The following MAN1A1 variants were observed in gnomAD, a reference collection of about 807,000 sequenced individuals.
MAN1A1 encodes mannosyl-oligosaccharide 1,2-alpha-mannosidase IA.
Under a neutral mutation model 70.8 loss-of-function variants are expected in MAN1A1, and 29 were observed. The observed-to-expected ratio is 0.41, with a 90% CI of 0.31 to 0.56. The LOEUF (loss-of-function observed/expected upper bound fraction) is 0.56, where lower values mean the gene tolerates loss of function less well. MAN1A1 is among the 20% of genes least tolerant of loss of function. The pLI is 0.29. For missense variants in MAN1A1, 747 were observed against 841.3 expected (o/e 0.89, Z 1.39); for synonymous variants, 349 against 330.1 (o/e 1.06, Z -0.62).
intron 5 of MAN1A1, among the ~76,000 whole-genome samples, chr6:119,252,460 C>A (rs895923308): frequency 2.6e-5 from 4 of 152,134 alleles, no homozygotes; most frequent in Admixed American, 6.5e-5. Context: ...ACACATTTGG[C>A]CCAGGAACTG....
rs976565989 is a variant in MAN1A1, at chr6:119,323,966, C to T, written c.604-16974G>A. Among the ~76,000 whole-genome samples, 8 of 152,172 alleles carry T rather than the reference C, an allele frequency of 5.3e-5. 1 individual carries two copies. Among genetic ancestry groups the T allele is most frequent in the African/African-American group, 1.9e-4 (8 of 41,434 alleles). On this transcript the variant is annotated intron_variant, in intron 2 of 12. Coordinates refer to ENST00000368468, the MANE Select transcript of MAN1A1 (RefSeq NM_005907.4). ...ATTTGGGGACTTGCAAAATTTACCA[C>T]TACTACAATATAGGTAAATTCCACA...
chr6:119,306,849 T>G, intron 3 of MAN1A1, 47 bp downstream of exon 3: 1 of 1,325,766 alleles, frequency 7.5e-7, no homozygotes, highest in Non-Finnish European at 1.1e-6. Context: ...GCTCAAGCAA[T>G]TGGGGAGAAG....
intron 6 of MAN1A1, among the ~76,000 whole-genome samples, chr6:119,245,081 C>T (rs1327346952): frequency 6.6e-6 from 1 of 152,078 alleles, no homozygotes; most frequent in African/African-American, 2.4e-5. Context: ...GAGACACATT[C>T]AAAATTGAGA....
At chr6:119,271,165 T>C (rs1426489215) in intron 5 of MAN1A1, among the ~76,000 whole-genome samples, 2 of 152,118 alleles carry the variant, frequency 1.3e-5, no homozygotes, top group African/African-American at 4.8e-5. Context: ...CAAAAATGGG[T>C]TAAGAAGTTT....
chr6:119,330,800 C>A (rs1410539083), intron 2 of MAN1A1, among the ~76,000 whole-genome samples: 1 of 152,112 alleles, frequency 6.6e-6, no homozygotes, highest in East Asian at 1.9e-4. Flanking sequence ...CGGCTAATTC[C>A]CACTCATCCT....
chr6:119,349,878 C>T, upstream of MAN1A1: 1 of 453,108 alleles, frequency 2.2e-6, no homozygotes. Flanking sequence ...GGGGCCGAGG[C>T]GAGGAGGGGG....
At chr6:119,248,400 C>T in intron 5 of MAN1A1, 46 bp from the exon 6 acceptor site, 4 of 976,988 alleles carry the variant, frequency 4.1e-6, no homozygotes, top group Non-Finnish European at 6.7e-6. Context: ...GCAAGCAAAA[C>T]AAGATGAACT....
intron 2 of MAN1A1, among the ~76,000 whole-genome samples, chr6:119,333,841 AG>A (rs1773382943): frequency 2.0e-5 from 3 of 152,224 alleles, no homozygotes; most frequent in Non-Finnish European, 2.9e-5. Context: ...TCTAAATTCT[AG>A]TGCCTTTACC....
At chr6:119,304,882 G>A (rs1372512361) in intron 3 of MAN1A1, among the ~76,000 whole-genome samples, 7 of 152,154 alleles carry the variant, frequency 4.6e-5, no homozygotes, top group African/African-American at 7.2e-5. Flanking sequence ...TTTGCTGAGC[G>A]AATATACGGG....
chr6:119,214,782 A>T (rs1174104283), intron 6 of MAN1A1, among the ~76,000 whole-genome samples: 2 of 152,218 alleles, frequency 1.3e-5, no homozygotes, highest in African/African-American at 4.8e-5. Context: ...CTGAGATTAC[A>T]GGCATGAACT....
At position 119,182,681 on chromosome 6, in the gene MAN1A1, C is replaced by T. The variant is rs1773184231; in HGVS notation, c.1720-2254G>A. Among the ~76,000 whole-genome samples the T allele has an allele frequency of 2.6e-5, 4 of 152,188 alleles. No homozygotes were observed. The South Asian group carries it at 8.3e-4, about 32-fold the overall frequency. On this transcript the variant is annotated intron_variant, in intron 11 of 12. Transcript: ENST00000368468. ...ATTTCCATCGTACAAAAATTGCCAT[C>T]TGCAATCTGGTTCTCATTTATTGAC...
At chr6:119,229,204 T>C (rs1774604543) in intron 6 of MAN1A1, among the ~76,000 whole-genome samples, 1 of 103,340 alleles carries the variant, frequency 9.7e-6, no homozygotes, top group Non-Finnish European at 2.0e-5. Context: ...TATCAAACTG[T>C]GTTCTGAGAC....
Position 119,204,864 on chromosome 6 carries a change from C to T in MAN1A1, c.1011G>A (p.Trp337Ter). 6.2e-7 allele frequency: 1 copy of T among 1,613,812 alleles called. No homozygotes were observed. The change falls in exon 7 of 13, where the codon TGG becomes TGA. Residue 337 changes from tryptophan (W) to a stop codon, truncating the protein, a stop_gained. Transcript: ENST00000368468. LOFTEE classifies it high-confidence loss of function. ...LNMKSGIGRN[W>*]PWASGGSSIL... is the part of the protein sequence containing the mutation. ...TACTGCTGCCTCCAGAGGCCCAGGG[C>T]CAGTTCCTTCCAATACCACTAAAGA... is the stretch of plus-strand genomic sequence containing the variant.
chr6:119,257,205 T>C (rs1206009178), intron 5 of MAN1A1, among the ~76,000 whole-genome samples: 2 of 152,130 alleles, frequency 1.3e-5, no homozygotes, highest in Non-Finnish European at 2.9e-5. Flanking sequence ...AGGAAGTGCT[T>C]TTCATGATAG....
intron 2 of MAN1A1, among the ~76,000 whole-genome samples, chr6:119,321,538 CAACT>C (rs1011735649): frequency 6.6e-5 from 10 of 152,066 alleles, no homozygotes; most frequent in African/African-American, 2.4e-4. Flanking sequence ...ACCTTCCCAA[CAACT>C]AACTACTCAC....
At chr6:119,244,862 C>G (rs1253610455) in intron 6 of MAN1A1, among the ~76,000 whole-genome samples, 3 of 152,156 alleles carry the variant, frequency 2.0e-5, no homozygotes, top group African/African-American at 7.2e-5. Flanking sequence ...TGTCTGTTAT[C>G]TTCTTGAATA....
chr6:119,267,845 T>G (rs1211042407), intron 5 of MAN1A1, among the ~76,000 whole-genome samples: 1 of 152,198 alleles, frequency 6.6e-6, no homozygotes, highest in Non-Finnish European at 1.5e-5. Flanking sequence ...GCATCTCATT[T>G]TTTCTTTTCT....
At chr6:119,350,561 C>G, upstream of MAN1A1, 38 of 985,296 alleles carry the variant, frequency 3.9e-5, no homozygotes, top group Non-Finnish European at 4.6e-5. Flanking sequence ...CATTCGAAGA[C>G]GAGTTTTATG....
chr6:119,331,801 G>C (rs1216139796), intron 2 of MAN1A1: 4 of 266,530 alleles, frequency 1.5e-5, no homozygotes, highest in Non-Finnish European at 3.1e-5. Context: ...CTCAGGCAGA[G>C]GAGTGACTGC....
Sources: allele counts gnomAD v4.1 joint callset (sites outside exome capture counted in the v4.1 genomes callset), GRCh38; gene constraint gnomAD v4.1.1; transcripts MANE v1.5; gene names NCBI Gene and HGNC (gene_info 2026-07-23, HGNC 2026-07-21).